Variants in GTF2A1L observed in about 807,000 individuals in gnomAD.
GTF2A1L encodes TFIIA-alpha and beta-like factor.
In GTF2A1L, 48 loss-of-function variants were observed where a neutral mutation model predicts 49.7. That is an observed-to-expected ratio of 0.97 (90% CI 0.77 to 1.23). The LOEUF (loss-of-function observed/expected upper bound fraction) is 1.23, where lower values mean the gene tolerates loss of function less well. GTF2A1L is among the 50% of genes most tolerant of loss of function. The pLI is 0.00. For missense variants in GTF2A1L, 736 were observed against 564.8 expected, an observed-to-expected ratio of 1.30 and a Z score of -3.07; for synonymous variants, 246 against 193.5, an observed-to-expected ratio of 1.27 and a Z score of -2.25.
intron 6 of GTF2A1L, among the ~76,000 whole-genome samples, chr2:48,652,695 T>C (rs920561373): frequency 6.6e-6 from 1 of 151,334 alleles, no homozygotes; most frequent in East Asian, 2.0e-4. Context: ...TTATTATTAT[T>C]ATCATTTATT....
chr2:48,635,312 G>A (rs1057469862), intron 3 of GTF2A1L, among the ~76,000 whole-genome samples: 7 of 149,618 alleles, frequency 4.7e-5, no homozygotes, highest in African/African-American at 1.7e-4. Flanking sequence ...TGCTCCAAAG[G>A]TCTAGACATC....
At chr2:48,666,804 C>G (rs1192211540) in intron 6 of GTF2A1L, among the ~76,000 whole-genome samples, 1 of 152,000 alleles carries the variant, frequency 6.6e-6, no homozygotes, top group Non-Finnish European at 1.5e-5. Context: ...ACTCCCCAAA[C>G]TTGTTATCTG....
At chr2:48,658,873 C>T (rs1572754425) in intron 6 of GTF2A1L, among the ~76,000 whole-genome samples, 1 of 152,006 alleles carries the variant, frequency 6.6e-6, no homozygotes, top group East Asian at 1.9e-4. Flanking sequence ...TTTGGATCTT[C>T]TCTCTGTTTT....
rs144279590 is a variant in GTF2A1L at position 48,672,917 on chromosome 2, T to C, written c.1329+1237T>C. On this transcript the variant is annotated intron_variant, in intron 8 of 8. Transcript: ENST00000403751. ...ACCTCAAAAAGAAACCCCATACTTT[T>C]TGTTTCTTAGTGCAGTATTCTCCCC... Among the ~76,000 whole-genome samples, 5 of 152,336 alleles carry C rather than the reference T, an allele frequency of 3.3e-5. No individual in the cohort carries two copies. In the East Asian group the frequency reaches 9.6e-4, roughly 29 times the overall value.
chr2:48,619,103 G>GT (rs754530554), intron 1 of GTF2A1L, among the ~76,000 whole-genome samples: 1 of 152,124 alleles, frequency 6.6e-6, no homozygotes, highest in South Asian at 2.1e-4. Context: ...TTATTTAAAT[G>GT]TTACTGATTG....
intron 6 of GTF2A1L, among the ~76,000 whole-genome samples, chr2:48,661,298 C>A (rs1055598719): frequency 7.6e-6 from 1 of 130,844 alleles, no homozygotes; most frequent in Non-Finnish European, 1.5e-5. Flanking sequence ...CTCTGTTGCC[C>A]AGGATGGAGT....
chr2:48,669,974 G>A lies in GTF2A1L; in HGVS notation c.1231G>A (p.Val411Ile). 1 of 1,610,264 alleles carries A rather than the reference G, an allele frequency of 6.2e-7. No homozygotes were observed. Among genetic ancestry groups the A allele is most frequent in the Non-Finnish European group, 8.5e-7 (1 of 1,178,080 alleles). ...TAATGAAGACCCTCAAGTAAACATTGTAGAAGAGGTGAGGATGACTTTTGA... is the reference window on the plus strand; with the variant it reads ...TAATGAAGACCCTCAAGTAAACATTATAGAAGAGGTGAGGATGACTTTTGA... ...SDNEDPQVNI[V>I]EEDPLNSGDD... Residue 411 changes from valine (V) to isoleucine (I), a missense_variant, in exon 7 of 9, where the codon GTA becomes ATA. By Grantham distance (29) the Val-to-Ile change is conservative (BLOSUM62 3). Coordinates refer to ENST00000403751, the MANE Select transcript of GTF2A1L (RefSeq NM_006872.5).
chr2:48,642,172 A>G (rs963034586), intron 3 of GTF2A1L, among the ~76,000 whole-genome samples: 4 of 152,190 alleles, frequency 2.6e-5, no homozygotes, highest in African/African-American at 7.2e-5. Context: ...GTTGATTACA[A>G]TGAGATATTT....
chr2:48,671,499 G>C lies in GTF2A1L; in HGVS notation c.1240-92G>C, dbSNP rs949834745. On this transcript the variant is annotated intron_variant, in intron 7 of 8. Transcript: ENST00000403751. Reference sequence around the variant, plus strand: ...GATTATAGGAATGAGCCACCACGCCGAGACAAGTTCCTTTATTTCTATATG... The same window carrying C: ...GATTATAGGAATGAGCCACCACGCCCAGACAAGTTCCTTTATTTCTATATG... 22 of 1,362,058 alleles carry C rather than the reference G, an allele frequency of 1.6e-5. No homozygotes were observed. The Middle Eastern group carries it at 6.4e-4, about 40-fold the overall frequency. The allele number at this position is 1,362,058 out of a possible 1,614,324, so 84.4% of individuals were successfully genotyped here.
chr2:48,640,236 G>T (rs1018151607), intron 3 of GTF2A1L, among the ~76,000 whole-genome samples: 1 of 152,032 alleles, frequency 6.6e-6, no homozygotes, highest in Non-Finnish European at 1.5e-5. Flanking sequence ...CCATAAAGAC[G>T]CATGCGAATG....
At chr2:48,635,626 A>G (rs1676844426) in intron 3 of GTF2A1L, among the ~76,000 whole-genome samples, 1 of 152,026 alleles carries the variant, frequency 6.6e-6, no homozygotes, top group African/African-American at 2.4e-5. Flanking sequence ...GGAAGAGTAT[A>G]ATTCCAATAC....
chr2:48,620,287 C>G (rs1429374386), intron 1 of GTF2A1L, among the ~76,000 whole-genome samples: 1 of 152,146 alleles, frequency 6.6e-6, no homozygotes, highest in Non-Finnish European at 1.5e-5. Context: ...ATTATTAGCT[C>G]ATATGTTATT....
intron 6 of GTF2A1L, among the ~76,000 whole-genome samples, chr2:48,648,351 C>G (rs538442890): frequency 6.6e-6 from 1 of 151,974 alleles, no homozygotes; most frequent in East Asian, 1.9e-4. Context: ...TTCATCACTA[C>G]TACTTTTGGA....
intron 6 of GTF2A1L, 98 bp from the exon 7 acceptor site, chr2:48,669,624 C>G (rs1679055284): frequency 2.1e-6 from 3 of 1,438,594 alleles, no homozygotes; most frequent in Non-Finnish European, 2.8e-6. Flanking sequence ...TTTGCTTGAA[C>G]TGACCATTTG....
chr2:48,651,338 A>C (rs775243827), intron 6 of GTF2A1L, among the ~76,000 whole-genome samples: 1 of 152,150 alleles, frequency 6.6e-6, no homozygotes, highest in African/African-American at 2.4e-5. Context: ...TTAACATTCA[A>C]CAGGCTAAAA....
intron 1 of GTF2A1L, 100 bp from the exon 2 acceptor site, chr2:48,620,751 T>C (rs1321125253): frequency 5.4e-6 from 4 of 743,872 alleles, no homozygotes; most frequent in African/African-American, 3.9e-5. Flanking sequence ...CACTCCAGCC[T>C]GGGCAACAGA....
chr2:48,628,992 C>T (rs574906729), intron 3 of GTF2A1L, among the ~76,000 whole-genome samples: 2 of 143,176 alleles, frequency 1.4e-5, no homozygotes, highest in African/African-American at 5.0e-5. Flanking sequence ...GCCTGTAATC[C>T]CAGCACTTTG....
At chr2:48,661,694 C>T (rs1678508585) in intron 6 of GTF2A1L, among the ~76,000 whole-genome samples, 2 of 146,268 alleles carry the variant, frequency 1.4e-5, no homozygotes, top group African/African-American at 4.9e-5. Context: ...GACCTAAAAT[C>T]CATTTTTTTT....
intron 3 of GTF2A1L, among the ~76,000 whole-genome samples, chr2:48,622,429 TCTC>T (rs1308008998): frequency 1.3e-5 from 2 of 152,208 alleles, no homozygotes; most frequent in African/African-American, 4.8e-5. Context: ...CATTGGGACA[TCTC>T]CTTCTCTGTT....
Sources: allele counts gnomAD v4.1 joint callset (sites outside exome capture counted in the v4.1 genomes callset), GRCh38; gene constraint gnomAD v4.1.1; transcripts MANE v1.5; gene names NCBI Gene and HGNC (gene_info 2026-07-23, HGNC 2026-07-21).